Variants in GSPT1 observed in about 807,000 individuals in gnomAD.
GSPT1 encodes the protein eukaryotic peptide chain release factor GTP-binding subunit ERF3A.
Under a neutral mutation model 72.5 loss-of-function variants are expected in GSPT1, and 20 were observed. That is an observed-to-expected ratio of 0.28 (90% confidence interval 0.19 to 0.40). The LOEUF (loss-of-function observed/expected upper bound fraction) is 0.40, where lower values mean the gene tolerates loss of function less well. Among genes scored for constraint, GSPT1 ranks in the 10% least tolerant of loss-of-function variants. The pLI is 1.00. For synonymous variants in GSPT1, 334 were observed against 293.5 expected (o/e 1.14, Z -1.41); for missense variants, 580 against 811.9 (o/e 0.71, Z 3.47).
At chr16:11,892,531 A>AAAAAAAAAAAAAAAAAAATAAAAAAAT (rs1567443313) in intron 5 of GSPT1, among the ~76,000 whole-genome samples, 1 of 139,864 alleles carries the variant, frequency 7.1e-6, no homozygotes, top group African/African-American at 2.8e-5. Flanking sequence ...AACAAAAAAA[A>AAAAAAAAAAAAAAAAAAATAAAAAAAT]CAAAAAATAA....
chr16:11,887,867 G>C (rs2054203260), intron 6 of GSPT1, 117 bp from the exon 7 acceptor site: 2 of 758,360 alleles, frequency 2.6e-6, no homozygotes, highest in Non-Finnish European at 4.3e-6. Flanking sequence ...GAACAAGATT[G>C]GTGAAATGAA....
chr16:11,911,854 A>AG lies in GSPT1; in HGVS notation c.352+3514_352+3515insC, dbSNP rs1462195027. Among the ~76,000 whole-genome samples, 4 of 45,384 alleles carry AG rather than the reference A, an allele frequency of 8.8e-5. 1 individual carries two copies. The highest frequency in any genetic ancestry group is 1.6e-3 in the East Asian group (2 of 1,254). 29.8% of individuals were successfully genotyped at this position (45,384 alleles called of 152,430 possible). On this transcript the variant is annotated intron_variant, in intron 1 of 14. Coordinates refer to ENST00000434724, the MANE Select transcript of GSPT1 (RefSeq NM_002094.4). The stretch of plus-strand genomic sequence containing the variant: ...GGCATGAGCCACTGCACCCAGCTGT[A>AG]TTTTTTTTTTTTTTTTTTTTTTTTT...
chr16:11,873,161 A>G lies in GSPT1; in HGVS notation c.1872T>C (p.Ile624=). The change falls in exon 15 of 15, where the codon ATT becomes ATC. Residue 624 remains isoleucine (I), a synonymous_variant. Coordinates refer to ENST00000434724, the MANE Select transcript of GSPT1 (RefSeq NM_002094.4). ...CCAGTTTCAGAACTTTTCCAATTGC[A>G]ATGGTCTTACCTAGAAATGAAATTT... ...RFTLRDEGKT[I]AIGKVLKLVP... 6.4e-7 allele frequency: 1 copy of G among 1,573,622 alleles called. No homozygotes were observed. The highest frequency in any genetic ancestry group is 2.2e-5 in the East Asian group (1 of 44,696).
intron 5 of GSPT1, among the ~76,000 whole-genome samples, chr16:11,892,295 A>G (rs2054271693): frequency 6.6e-6 from 1 of 151,212 alleles, no homozygotes; most frequent in Non-Finnish European, 1.5e-5. Flanking sequence ...GTAAGCTATG[A>G]TTCCACCACT....
chr16:11,882,799 T>A (rs7359358), intron 11 of GSPT1, among the ~76,000 whole-genome samples: 170 of 143,416 alleles, frequency 1.2e-3, no homozygotes, highest in African/African-American at 3.9e-3. Context: ...AATTTTTATT[T>A]AAAAAAAAAA....
chr16:11,908,530 G>A (rs2054517005), intron 1 of GSPT1: 1 of 81,832 alleles, frequency 1.2e-5, no homozygotes. Context: ...GGAGGCCGAG[G>A]CGGGCGGATC....
chr16:11,885,332 G>C (rs1374623569), intron 9 of GSPT1, 58 bp from the exon 10 acceptor site: 2 of 809,010 alleles, frequency 2.5e-6, no homozygotes, highest in Admixed American at 1.9e-5. Flanking sequence ...AAAATGTTAA[G>C]TTACATGACT....
At chr16:11,911,316 T>C (rs1392716074) in intron 1 of GSPT1, among the ~76,000 whole-genome samples, 4 of 152,228 alleles carry the variant, frequency 2.6e-5, no homozygotes, top group Non-Finnish European at 5.9e-5. Flanking sequence ...GAGAATATTC[T>C]AAAAAGCATC....
At chr16:11,909,889 G>A (rs1044964682) in intron 1 of GSPT1, among the ~76,000 whole-genome samples, 3 of 152,052 alleles carry the variant, frequency 2.0e-5, no homozygotes, top group African/African-American at 4.8e-5. Flanking sequence ...TAGGGCCACT[G>A]CACTCCAGCC....
rs1273014697 is a variant in GSPT1, at chr16:11,886,821, T to G, written c.1068A>C (p.Leu356=). The G allele has an allele frequency of 6.2e-7, 1 of 1,613,424 alleles. No homozygotes were observed. The highest frequency in any genetic ancestry group is 1.1e-5 in the South Asian group (1 of 91,048). Residue 356 remains leucine, a synonymous_variant, in exon 8 of 15, where the codon CTA becomes CTC. Transcript: ENST00000434724. The stretch of plus-strand genomic sequence containing the variant: ...CTGTTGGATCATCCATCTTATTAAT[T>G]AGCACAATTAGGTGTTTTACACCTG... ...KTAGVKHLIV[L]INKMDDPTVN... is the part of the protein sequence containing the mutation.
At chr16:11,892,933 T>C (rs1388728322) in intron 5 of GSPT1, among the ~76,000 whole-genome samples, 1 of 151,004 alleles carries the variant, frequency 6.6e-6, no homozygotes, top group Admixed American at 6.6e-5. Flanking sequence ...TCATGACTAA[T>C]TTCACCAGTA....
chr16:11,902,833 T>C (rs1245902262), intron 1 of GSPT1, among the ~76,000 whole-genome samples: 1 of 151,950 alleles, frequency 6.6e-6, no homozygotes, highest in Non-Finnish European at 1.5e-5. Flanking sequence ...GTGATCTGCC[T>C]GCCTCAGCCT....
chr16:11,896,705 C>A lies in GSPT1; in HGVS notation c.517G>T (p.Gly173Cys). 1.2e-6 allele frequency: 2 copies of A among 1,607,514 alleles called. No individual in the cohort carries two copies. Among genetic ancestry groups the A allele is most frequent in the Non-Finnish European group, 1.7e-6 (2 of 1,176,796 alleles). Residue 173 changes from glycine to cysteine, a missense_variant, in exon 4 of 15, where the codon GGT becomes TGT. Physicochemically the swap from Gly to Cys is radical, Grantham distance 159. Around this residue, in one of 6 missense-constraint regions of GSPT1, gnomAD observed 327 missense variants for 298.8 expected, o/e 1.09. Transcript: ENST00000434724. ...GGCGGCCTTCCATCTCCCAAGGAACCACCCCCTGGCTCTGCTTCACTTATT... is the reference window on the plus strand; with the variant it reads ...GGCGGCCTTCCATCTCCCAAGGAACAACCCCCTGGCTCTGCTTCACTTATT... ...EEISEAEPGGGSLGDGRPPEE... is the reference protein window; with the variant it reads ...EEISEAEPGGCSLGDGRPPEE...
intron 10 of GSPT1, 33 bp downstream of exon 10, chr16:11,885,148 C>T: frequency 1.0e-6 from 1 of 1,001,492 alleles, no homozygotes; most frequent in Non-Finnish European, 1.6e-6. Flanking sequence ...TTTCCCCTCC[C>T]AGGAAACCCA....
intron 14 of GSPT1, among the ~76,000 whole-genome samples, chr16:11,875,435 TC>T (rs2054036760): frequency 1.3e-5 from 2 of 152,044 alleles, no homozygotes; most frequent in Admixed American, 1.3e-4. Flanking sequence ...AAAATCAATC[TC>T]TATGTTCCTT....
At chr16:11,891,840 T>G (rs910270509) in intron 5 of GSPT1, among the ~76,000 whole-genome samples, 1 of 150,858 alleles carries the variant, frequency 6.6e-6, no homozygotes, top group African/African-American at 2.4e-5. Context: ...GTTTTTGTAT[T>G]TTTAGTAGAG....
intron 1 of GSPT1, among the ~76,000 whole-genome samples, chr16:11,907,645 A>T (rs2054505818): frequency 6.6e-6 from 1 of 152,180 alleles, no homozygotes; most frequent in African/African-American, 2.4e-5. Flanking sequence ...GTGGCAGATC[A>T]AGCACTAAAC....
Position 11,915,940 on chromosome 16 carries a change from T to C in GSPT1, c.-220A>G, listed in dbSNP as rs1305512437. The C allele has an allele frequency of 5.4e-6, 4 of 746,562 alleles. No individual in the cohort carries two copies. The highest frequency in any genetic ancestry group is 4.1e-5 in the South Asian group (3 of 73,816). 46.2% of individuals were successfully genotyped at this position (746,562 alleles called of 1,614,324 possible). A position where few individuals can be genotyped will look rare whatever the true frequency, so the allele number is the denominator to read the frequency against. On this transcript the variant is annotated 5_prime_UTR_variant, in exon 1 of 15. Transcript: ENST00000434724. The stretch of plus-strand genomic sequence containing the variant: ...GGCGGCGGCGGCAGCTCAACCCTCC[T>C]CCTCGTGTGTGTGAGCGGATCTCCT...
intron 1 of GSPT1, among the ~76,000 whole-genome samples, chr16:11,911,170 C>A (rs1265498467): frequency 6.6e-6 from 1 of 152,212 alleles, no homozygotes; most frequent in African/African-American, 2.4e-5. Context: ...CTATTATCTA[C>A]CTCAACAGAT....
Sources: gnomAD v4.1 joint callset for allele counts (sites outside exome capture counted in the v4.1 genomes callset) on GRCh38, gnomAD v4.1.1 for gene constraint, gnomAD v4.1.1 regional missense constraint, MANE v1.5 for transcripts, NCBI Gene and HGNC (gene_info 2026-07-23, HGNC 2026-07-21) for gene names.